The following PLEKHN1 variants were observed in gnomAD, a reference collection of about 807,000 sequenced individuals.
PLEKHN1 encodes the protein pleckstrin homology domain-containing family N member 1.
Under a neutral mutation model 72.8 loss-of-function variants are expected in PLEKHN1, and 68 were observed. The observed-to-expected ratio is 0.93, with a 90% CI of 0.77 to 1.14. The LOEUF is 1.14. Ranked by LOEUF, PLEKHN1 falls within the 50% of genes most tolerant of loss-of-function variation. PLEKHN1 has a pLI of 0.00. For missense variants in PLEKHN1, 1,015 were observed against 840.5 expected, an observed-to-expected ratio of 1.21 and a Z score of -2.57; for synonymous variants, 454 against 371.6, an observed-to-expected ratio of 1.22 and a Z score of -2.55.
chr1:973,371 T>C (rs746885424), intron 12 of PLEKHN1, 45 bp downstream of exon 12: 1 of 1,557,704 alleles, frequency 6.4e-7, no homozygotes, highest in Non-Finnish European at 8.7e-7. Context: ...GTTCCCACCG[T>C]TCCGCACCAC....
rs1203538347 is a variant in PLEKHN1, at chr1:973,900, C to G, written c.1502C>G (p.Ser501Cys). 2 of 1,611,218 alleles carry G rather than the reference C, an allele frequency of 1.2e-6. No homozygotes were observed. The highest frequency in any genetic ancestry group is 1.7e-6 in the Non-Finnish European group (2 of 1,179,902). The change falls in exon 14 of 16, where the codon TCT (serine) becomes TGT (cysteine). Residue 501 changes from serine (S) to cysteine (C), a missense_variant. Ser to Cys is a moderately radical substitution (Grantham distance 112). Coordinates refer to ENST00000379410, the MANE Select transcript of PLEKHN1 (RefSeq NM_032129.3). ...AGCCCACTCCCCTCGGTGCCTGTGT[C>G]TGTGCCTGCCTCTGACCCTCGCTCC... is the stretch of plus-strand genomic sequence containing the variant. ...PSSPLPSVPV[S>C]VPASDPRSCS...
At chr1:967,525 C>A (rs1343457349) in intron 2 of PLEKHN1, among the ~76,000 whole-genome samples, 1 of 152,146 alleles carries the variant, frequency 6.6e-6, no homozygotes, top group Non-Finnish European at 1.5e-5. Context: ...CGTCAGGCAG[C>A]CTGGATGGGT....
intron 2 of PLEKHN1, among the ~76,000 whole-genome samples, chr1:968,298 C>T (rs568392964): frequency 1.1e-4 from 17 of 152,320 alleles, no homozygotes; most frequent in Admixed American, 3.9e-4. Flanking sequence ...AGGTAGCTCT[C>T]GCCAGCTCCT....
At position 966,810 on chromosome 1, in the gene PLEKHN1, G is replaced by C. The variant is rs753831208; in HGVS notation, c.183+7G>C. 5.8e-6 allele frequency: 9 copies of C among 1,552,590 alleles called. No homozygotes were observed. In the East Asian group the frequency reaches 1.5e-4, roughly 25 times the overall value. ...CCACTACATCCCGGGCACGGTGAGC[G>C]CGGCGTGCACGGTGGCTGTGGTCTG... is the stretch of plus-strand genomic sequence containing the variant. On this transcript the variant is annotated splice_region_variant and intron_variant, in intron 2 of 15. Transcript: ENST00000379410.
At position 970,238 on chromosome 1, in the gene PLEKHN1, C is replaced by G; in HGVS notation, c.184-39C>G. ...GATGCGAGCGGAGGGGGTGGGGGGCCCAGGGGAGGCCCCCTCCCCTGAGCT... is the reference window on the plus strand; with the variant it reads ...GATGCGAGCGGAGGGGGTGGGGGGCGCAGGGGAGGCCCCCTCCCCTGAGCT... On this transcript the variant is annotated intron_variant, in intron 2 of 15. Transcript: ENST00000379410. The surrounding 1 kb of genome is among the most constrained non-coding windows in gnomAD (Gnocchi z 4.2). The G allele has an allele frequency of 1.2e-6, 2 of 1,600,372 alleles. No homozygotes were observed. The highest frequency in any genetic ancestry group is 2.2e-5 in the South Asian group (2 of 90,718).
In PLEKHN1 at chr1:970,500, A is replaced by G; in HGVS notation, c.331-21A>G. The G allele has an allele frequency of 1.2e-6, 2 of 1,613,068 alleles. No individual in the cohort carries two copies. The highest frequency in any genetic ancestry group is 1.3e-5 in the African/African-American group (1 of 75,020). On this transcript the variant is annotated intron_variant, in intron 3 of 15. Coordinates refer to ENST00000379410, the MANE Select transcript of PLEKHN1 (RefSeq NM_032129.3). The surrounding 1 kb of genome is among the most constrained non-coding windows in gnomAD (Gnocchi z 4.2). Reference sequence around the variant, plus strand: ...CTGGGGCTCCCCAGACTCCGCACTGACGACCCTGCTCCCCGCGCAGGATGT... The same window carrying G: ...CTGGGGCTCCCCAGACTCCGCACTGGCGACCCTGCTCCCCGCGCAGGATGT...
chr1:972,325 C>T lies in PLEKHN1; in HGVS notation c.903C>T (p.Ser301=). The T allele has an allele frequency of 6.2e-7, 1 of 1,612,606 alleles. No individual in the cohort carries two copies. The highest frequency in any genetic ancestry group is 8.5e-7 in the Non-Finnish European group (1 of 1,179,874). Reference sequence around the variant, plus strand: ...ACACCATCCGCGTGGTGTGCGCCAGCTACGAGGACTACGGTCACTGGCTGC... The same window carrying T: ...ACACCATCCGCGTGGTGTGCGCCAGTTACGAGGACTACGGTCACTGGCTGC... ...LINTIRVVCA[S]YEDYGHWLLC... The change falls in exon 10 of 16, where the codon AGC becomes AGT. Residue 301 remains serine, a synonymous_variant. Transcript: ENST00000379410.
chr1:974,265 T>A, intron 14 of PLEKHN1, 51 bp from the exon 15 acceptor site: 10 of 1,612,276 alleles, frequency 6.2e-6, no homozygotes, highest in Non-Finnish European at 8.5e-6. Context: ...GCCTCCAAGC[T>A]CCCTGCCTGG....
chr1:966,549 T>C lies in PLEKHN1; in HGVS notation c.18T>C (p.Cys6=), dbSNP rs750486616. ...CTCTGGCCATGGGGAACAGCCACTG[T>C]GTCCCTCAGGCCCCCAGGAGGCTCC... MGNSH[C]VPQAPRRLRA... is the part of the protein sequence containing the mutation. Residue 6 remains cysteine, a synonymous_variant, in exon 1 of 16, where the codon TGT becomes TGC. Coordinates refer to ENST00000379410, the MANE Select transcript of PLEKHN1 (RefSeq NM_032129.3). 1 of 1,609,140 alleles carries C rather than the reference T, an allele frequency of 6.2e-7. No individual in the cohort carries two copies. The highest frequency in any genetic ancestry group is 8.5e-7 in the Non-Finnish European group (1 of 1,177,246).
intron 8 of PLEKHN1, among the ~76,000 whole-genome samples, chr1:971,787 C>T (rs916648073): frequency 1.5e-5 from 2 of 133,126 alleles, no homozygotes; most frequent in Non-Finnish European, 3.4e-5. Flanking sequence ...GAGGAACAAA[C>T]ACAGGGCCCT....
rs1430305134 is a variant in PLEKHN1, at chr1:972,144, A to G, written c.859A>G (p.Ile287Val). ...EKEKQIRSFL[I>V]EGPLINTIRV... is the part of the protein sequence containing the mutation. ...GGAGAAGCAGATCCGCTCCTTCCTG[A>G]TTGAAGGTAGGGCCCTGACCCTGGT... The change falls in exon 9 of 16, where the codon ATT (isoleucine) becomes GTT (valine). Residue 287 changes from isoleucine (I) to valine (V), a missense_variant. By Grantham distance (29) the Ile-to-Val change is conservative. Transcript: ENST00000379410. 6.2e-7 allele frequency: 1 copy of G among 1,612,970 alleles called. No individual in the cohort carries two copies. The highest frequency in any genetic ancestry group is 1.1e-5 in the South Asian group (1 of 91,066).
Position 973,631 on chromosome 1 carries a change from C to T in PLEKHN1, c.1425C>T (p.Gly475=). 6.2e-7 allele frequency: 1 copy of T among 1,612,642 alleles called. No individual in the cohort carries two copies. The highest frequency in any genetic ancestry group is 8.5e-7 in the Non-Finnish European group (1 of 1,179,896). The part of the protein sequence containing the change: ...TSHRRVTDVR[G]LEEFLSAMQS... ...ACCGCAGGGTCACAGATGTCCGGGG[C>T]CTGGAGGAGGTCAGGCCCCTGCTGG... The change falls in exon 13 of 16, where the codon GGC becomes GGT. Residue 475 remains glycine (G), a synonymous_variant. Coordinates refer to ENST00000379410, the MANE Select transcript of PLEKHN1 (RefSeq NM_032129.3).
rs1399562866 is a variant in PLEKHN1 at position 970,648 on chromosome 1, A to C, written c.412-38A>C. 5.0e-6 allele frequency: 8 copies of C among 1,602,626 alleles called. No homozygotes were observed. The highest frequency in any genetic ancestry group is 6.0e-6 in the Non-Finnish European group (7 of 1,173,460). On this transcript the variant is annotated intron_variant, in intron 4 of 15. Coordinates refer to ENST00000379410, the MANE Select transcript of PLEKHN1 (RefSeq NM_032129.3). This position sits in a 1 kb window ranked among gnomAD's most constrained non-coding sequence, Gnocchi z 4.2. ...TGGGGCCATGGCCGCCCTTCCCTCC[A>C]TGGATCCCTGAAGCTCCTCCTACCC... is the stretch of plus-strand genomic sequence containing the variant.
rs537748009 is a variant in PLEKHN1 at position 973,264 on chromosome 1, G to A, written c.1231G>A (p.Gly411Arg). The A allele has an allele frequency of 3.0e-5, 47 of 1,544,298 alleles. No homozygotes were observed. The highest frequency in any genetic ancestry group is 6.8e-5 in the African/African-American group (5 of 73,028). Residue 411 changes from glycine (G) to arginine (R), a missense_variant, in exon 12 of 16, where the codon GGG becomes AGG. Coordinates refer to ENST00000379410, the MANE Select transcript of PLEKHN1 (RefSeq NM_032129.3). Reference protein sequence around the residue: ...LRRSGSSRSPGSKARAEGRGP... With the variant: ...LRRSGSSRSPRSKARAEGRGP... ...ACGCAGTGGCAGCAGCCGGTCACCC[G>A]GGAGCAAGGCCCGGGCAGAGGGCCG...
intron 8 of PLEKHN1, 30 bp downstream of exon 8, chr1:971,434 C>A: frequency 6.5e-7 from 1 of 1,540,444 alleles, no homozygotes; most frequent in Non-Finnish European, 8.8e-7. Flanking sequence ...GGGCCCGCCC[C>A]AGGGAGGCAG....
intron 8 of PLEKHN1, 43 bp from the exon 9 acceptor site, chr1:972,032 G>T: frequency 1.9e-6 from 3 of 1,586,320 alleles, no homozygotes; most frequent in Non-Finnish European, 2.6e-6. Context: ...GGGGCCCCGG[G>T]GCTGCCCCTA....
At chr1:969,420 CGT>C (rs1472272108) in intron 2 of PLEKHN1, among the ~76,000 whole-genome samples, 75 of 151,248 alleles carry the variant, frequency 5.0e-4, no homozygotes, top group Admixed American at 1.0e-3. Flanking sequence ...TGTATGTATA[CGT>C]GTGTGTTGGT....
At chr1:971,246 G>A (rs1442437155) in intron 7 of PLEKHN1, 38 bp downstream of exon 7, 13 of 1,558,578 alleles carry the variant, frequency 8.3e-6, no homozygotes, top group African/African-American at 4.1e-5. Flanking sequence ...GGGGATGGGA[G>A]GGGTGCATGG....
Position 970,402 on chromosome 1 carries a change from G to A in PLEKHN1, c.309G>A (p.Gln103=), listed in dbSNP as rs1259245541. The A allele has an allele frequency of 6.2e-7, 1 of 1,613,476 alleles. No homozygotes were observed. Among genetic ancestry groups the A allele is most frequent in the Non-Finnish European group, 8.5e-7 (1 of 1,179,956 alleles). The change falls in exon 3 of 16, where the codon CAG becomes CAA. Residue 103 remains glutamine, a synonymous_variant. Coordinates refer to ENST00000379410, the MANE Select transcript of PLEKHN1 (RefSeq NM_032129.3). This position sits in a 1 kb window ranked among gnomAD's most constrained non-coding sequence, Gnocchi z 4.2. Reference sequence around the variant, plus strand: ...AAGTTGTGCATTACGCCAAGGTCCAGCTGCGGTTCCAGCACAGCCAGGTGG... The same window carrying A: ...AAGTTGTGCATTACGCCAAGGTCCAACTGCGGTTCCAGCACAGCCAGGTGG... ...LGKVVHYAKV[Q]LRFQHSQDVS...
Sources: allele counts gnomAD v4.1 joint callset (sites outside exome capture counted in the v4.1 genomes callset), GRCh38; gene constraint gnomAD v4.1.1; non-coding constraint Gnocchi (gnomAD v3.1); transcripts MANE v1.5; gene names NCBI Gene and HGNC (gene_info 2026-07-23, HGNC 2026-07-21).